The following CYTH3 variants were observed in gnomAD, a reference collection of about 807,000 sequenced individuals.
CYTH3 encodes the protein cytohesin 3.
Under a neutral mutation model 55.1 loss-of-function variants are expected in CYTH3, and 23 were observed. The ratio of observed to expected loss-of-function variants is 0.42; its 90% CI spans 0.30 to 0.59. The LOEUF is 0.59. CYTH3 is among the 20% of genes least tolerant of loss of function. The probability of loss-of-function intolerance (pLI) is 0.20; values close to 1 mark genes in which losing one functional copy is unlikely to be tolerated. For missense variants in CYTH3, 413 were observed against 524.8 expected (o/e 0.79, Z 2.08); for synonymous variants, 249 against 194.9 (o/e 1.28, Z -2.31).
At chr7:6,237,238 T>G (rs1319889868) in intron 1 of CYTH3, among the ~76,000 whole-genome samples, 1 of 152,218 alleles carries the variant, frequency 6.6e-6, no homozygotes, top group Non-Finnish European at 1.5e-5. Flanking sequence ...GAGGTACAAG[T>G]GCAACAACAC....
At chr7:6,252,537 A>AT (rs1007955133) in intron 1 of CYTH3, among the ~76,000 whole-genome samples, 8 of 151,972 alleles carry the variant, frequency 5.3e-5, no homozygotes, top group East Asian at 1.9e-4. Context: ...GAGGAGTGTC[A>AT]TTTTTTTTCC....
rs754718759 is a variant in CYTH3 at position 6,165,824 on chromosome 7, G to A, written c.824-14C>T. The A allele has an allele frequency of 1.9e-6, 3 of 1,613,842 alleles. No homozygotes were observed. The highest frequency in any genetic ancestry group is 2.5e-6 in the Non-Finnish European group (3 of 1,179,928). On this transcript the variant is annotated splice_polypyrimidine_tract_variant and intron_variant, in intron 9 of 12. Coordinates refer to ENST00000350796, the MANE Select transcript of CYTH3 (RefSeq NM_004227.4). ...TCACACGCCCTCCTAGAAGCAGAAGGGCCCCGTGAGTCTGCGCTCCGTGCA... is the reference window on the plus strand; with the variant it reads ...TCACACGCCCTCCTAGAAGCAGAAGAGCCCCGTGAGTCTGCGCTCCGTGCA...
intron 1 of CYTH3, among the ~76,000 whole-genome samples, chr7:6,199,919 T>C (rs973359772): frequency 6.6e-6 from 1 of 152,188 alleles, no homozygotes; most frequent in Admixed American, 6.5e-5. Context: ...CATTTGATGG[T>C]AGACTGAGAA....
intron 1 of CYTH3, among the ~76,000 whole-genome samples, chr7:6,203,176 A>G (rs1394848269): frequency 6.6e-6 from 1 of 152,194 alleles, no homozygotes; most frequent in Admixed American, 6.5e-5. Flanking sequence ...ACATGTAAAA[A>G]TAAAATTTTT....
intron 1 of CYTH3, among the ~76,000 whole-genome samples, chr7:6,223,837 A>T (rs1046227231): frequency 2.4e-4 from 16 of 66,702 alleles, no homozygotes; most frequent in Non-Finnish European, 3.2e-4. Context: ...AATAAATACT[A>T]AAAAAAAAAA....
intron 1 of CYTH3, chr7:6,212,556 AT>A (rs1311478192): frequency 1.3e-5 from 2 of 152,202 alleles, no homozygotes; most frequent in Non-Finnish European, 2.9e-5. Flanking sequence ...TGGCATAAAT[AT>A]AAAAAAAAAG....
Position 6,170,335 on chromosome 7 carries a change from G to A in CYTH3, c.823+200C>T. The A allele has an allele frequency of 1.7e-6, 1 of 587,712 alleles. No homozygotes were observed. Among genetic ancestry groups the A allele is most frequent in the Non-Finnish European group, 3.0e-6 (1 of 334,698 alleles). 36.4% of individuals were successfully genotyped at this position (587,712 alleles called of 1,614,324 possible). A position where few individuals can be genotyped will look rare whatever the true frequency, so the allele number is the denominator to read the frequency against. ...AGCCTGGGCGCTACTCTCTGCCGCG[G>A]GCATGGCTCTGAGGCCCCGGCTCGG... On this transcript the variant is annotated intron_variant, in intron 9 of 12. Coordinates refer to ENST00000350796, the MANE Select transcript of CYTH3 (RefSeq NM_004227.4). This position sits in a 1 kb window ranked among gnomAD's most constrained non-coding sequence, Gnocchi z 7.8.
chr7:6,234,814 G>C (rs1779476288), intron 1 of CYTH3, among the ~76,000 whole-genome samples: 1 of 152,214 alleles, frequency 6.6e-6, no homozygotes, highest in South Asian at 2.1e-4. Flanking sequence ...CCCTGAAGGA[G>C]ACACTGGACT....
chr7:6,205,846 C>T (rs74354816), intron 1 of CYTH3, among the ~76,000 whole-genome samples: 1,882 of 122,806 alleles, frequency 0.015, 24 homozygotes, highest in Middle Eastern at 0.09. Context: ...TGCACTCTAA[C>T]CTGGGTGACA....
chr7:6,240,774 A>C (rs909358621), intron 1 of CYTH3, among the ~76,000 whole-genome samples: 2 of 152,220 alleles, frequency 1.3e-5, no homozygotes, highest in African/African-American at 2.4e-5. Flanking sequence ...TTATAATCTT[A>C]GAATGGCCTT....
At chr7:6,198,904 C>CT (rs1265652972) in intron 1 of CYTH3, among the ~76,000 whole-genome samples, 1 of 152,176 alleles carries the variant, frequency 6.6e-6, no homozygotes, top group African/African-American at 2.4e-5. Context: ...GGAAAGGGTC[C>CT]TTCAGACTCA....
At chr7:6,172,773 A>C (rs1286079938) in intron 6 of CYTH3, 2 of 1,267,032 alleles carry the variant, frequency 1.6e-6, no homozygotes. Flanking sequence ...CCAGAAACGC[A>C]ATCTGATAAG....
intron 5 of CYTH3, among the ~76,000 whole-genome samples, chr7:6,175,275 A>G (rs904352831): frequency 6.6e-6 from 1 of 152,174 alleles, no homozygotes; most frequent in Non-Finnish European, 1.5e-5. Flanking sequence ...ACTGATGATT[A>G]GCTATGAACA....
At chr7:6,186,391 A>G (rs1352798104) in intron 4 of CYTH3, among the ~76,000 whole-genome samples, 2 of 152,076 alleles carry the variant, frequency 1.3e-5, no homozygotes, top group Non-Finnish European at 2.9e-5. Context: ...CAAAACCAAA[A>G]TGTCCCCCAA....
chr7:6,200,605 G>A (rs1303478261), intron 1 of CYTH3, among the ~76,000 whole-genome samples: 1 of 152,106 alleles, frequency 6.6e-6, no homozygotes. Flanking sequence ...TCAGTTCAGA[G>A]ACTGGCCGAT....
intron 1 of CYTH3, among the ~76,000 whole-genome samples, chr7:6,219,882 G>A (rs1562394181): frequency 1.3e-5 from 2 of 152,088 alleles, no homozygotes; most frequent in East Asian, 1.9e-4. Context: ...AAGACAAATT[G>A]GAGGAATTAT....
chr7:6,215,276 T>A (rs919437278), intron 1 of CYTH3, among the ~76,000 whole-genome samples: 7 of 152,084 alleles, frequency 4.6e-5, no homozygotes, highest in African/African-American at 1.4e-4. Context: ...TCCCAAAACG[T>A]ACAGATAATT....
intron 1 of CYTH3, among the ~76,000 whole-genome samples, chr7:6,200,319 A>G (rs1034193042): frequency 2.6e-5 from 4 of 152,166 alleles, no homozygotes; most frequent in African/African-American, 7.2e-5. Context: ...AACATATGAG[A>G]TCTTCCACGG....
At chr7:6,230,901 A>G (rs750415186) in intron 1 of CYTH3, among the ~76,000 whole-genome samples, 4 of 152,216 alleles carry the variant, frequency 2.6e-5, no homozygotes, top group Non-Finnish European at 5.9e-5. Flanking sequence ...AAGAGCCTGT[A>G]CTTACACAAT....
Sources: gnomAD v4.1 joint callset for allele counts (sites outside exome capture counted in the v4.1 genomes callset) on GRCh38, gnomAD v4.1.1 for gene constraint, Gnocchi (gnomAD v3.1) non-coding constraint, MANE v1.5 for transcripts, NCBI Gene and HGNC (gene_info 2026-07-23, HGNC 2026-07-21) for gene names.